SGCD: variants seen among roughly 807,000 people sequenced by gnomAD.
SGCD encodes sarcoglycan delta.
Under a neutral mutation model 36.6 loss-of-function variants are expected in SGCD, and 18 were observed. That is an observed-to-expected ratio of 0.49 (90% CI 0.34 to 0.73). The LOEUF (loss-of-function observed/expected upper bound fraction) is 0.73, where lower values mean the gene tolerates loss of function less well. Among genes scored for constraint, SGCD ranks in the 30% least tolerant of loss-of-function variants. SGCD has a pLI of 0.01. For synonymous variants in SGCD, 133 were observed against 130.6 expected (o/e 1.02, Z -0.12); for missense variants, 387 against 346.7 (o/e 1.12, Z -0.92).
Position 156,056,645 on chromosome 5 carries a change from T to TAAAAAAAAAAAA in SGCD, c.-281-61224_-281-61213dup, listed in dbSNP as rs561328077. Among the ~76,000 whole-genome samples, 19 of 68,272 alleles carry TAAAAAAAAAAAA rather than the reference T, an allele frequency of 2.8e-4. 1 individual carries two copies. The highest frequency in any genetic ancestry group is 1.9e-3 in the East Asian group (3 of 1,572). The allele number at this position is 68,272 out of a possible 152,430, so 44.8% of individuals were successfully genotyped here. On this transcript the variant is annotated intron_variant, in intron 1 of 9. Coordinates refer to the SGCD transcript ENST00000517913. ...GGTCCCCTACCTGCCAAATTATCCT[T>TAAAAAAAAAAAA]AAAAAAAAAAAAAAAAAAAACAGTC...
chr5:156,319,495 T>C (rs552049560), intron 3 of SGCD, among the ~76,000 whole-genome samples: 85 of 152,340 alleles, frequency 5.6e-4, no homozygotes, highest in African/African-American at 1.9e-3. Context: ...CACTTAGGAA[T>C]GCTAAAAAGG....
intron 1 of SGCD, among the ~76,000 whole-genome samples, chr5:155,902,931 C>T (rs973347378): frequency 1.3e-5 from 2 of 152,262 alleles, no homozygotes; most frequent in Non-Finnish European, 2.9e-5. Flanking sequence ...TTTATAGATA[C>T]GAGTTACATG....
chr5:155,862,343 G>C, the SGCD span, among the ~76,000 whole-genome samples: 1 of 152,056 alleles, frequency 6.6e-6, no homozygotes, highest in Non-Finnish European at 1.5e-5. Flanking sequence ...TACTAAAAAA[G>C]GAAGATGAAA....
intron 4 of SGCD, among the ~76,000 whole-genome samples, chr5:156,524,115 T>C (rs1489753534): frequency 1.6e-4 from 8 of 50,318 alleles, no homozygotes; most frequent in Non-Finnish European, 2.5e-4. Flanking sequence ...TATATATATA[T>C]ATATATATAT....
intron 7 of SGCD, among the ~76,000 whole-genome samples, chr5:156,692,526 A>G (rs1171369209): frequency 2.0e-5 from 3 of 152,202 alleles, no homozygotes; most frequent in South Asian, 2.1e-4. Context: ...AGACAATGGT[A>G]TAATGAACCT....
In SGCD at chr5:156,185,492, A is replaced by G. The variant is rs545457345; in HGVS notation, c.-44+61473A>G. Among the ~76,000 whole-genome samples the G allele has an allele frequency of 1.1e-3, 167 of 151,242 alleles. No homozygotes were observed. In the East Asian group the frequency reaches 0.019, roughly 17 times the overall value. ...GCCTCCCAAAGTGCTGGGATTACAGATGTGAGCCACCGCGCCTGGCCTCTT... is the reference window on the plus strand; with the variant it reads ...GCCTCCCAAAGTGCTGGGATTACAGGTGTGAGCCACCGCGCCTGGCCTCTT... On this transcript the variant is annotated intron_variant, in intron 3 of 9. Coordinates refer to the SGCD transcript ENST00000517913.
At chr5:156,727,636 G>A (rs1755843107) in intron 7 of SGCD, among the ~76,000 whole-genome samples, 1 of 152,046 alleles carries the variant, frequency 6.6e-6, no homozygotes, top group African/African-American at 2.4e-5. Flanking sequence ...TAAGCACTCT[G>A]GAAATAATAC....
the SGCD span, among the ~76,000 whole-genome samples, chr5:155,828,032 G>A: frequency 1.3e-5 from 2 of 151,956 alleles, no homozygotes; most frequent in African/African-American, 4.8e-5. Flanking sequence ...AAGAAAGAGA[G>A]ATGGGGTGAT....
At chr5:156,476,455 T>C (rs541979880) in intron 3 of SGCD, among the ~76,000 whole-genome samples, 8 of 152,344 alleles carry the variant, frequency 5.3e-5, no homozygotes, top group African/African-American at 1.9e-4. Context: ...ATTTTTTACC[T>C]GTAACAGCTA....
chr5:156,080,936 G>C (rs965044103), intron 1 of SGCD, among the ~76,000 whole-genome samples: 1 of 152,052 alleles, frequency 6.6e-6, no homozygotes, highest in African/African-American at 2.4e-5. Flanking sequence ...TATTTTAATA[G>C]CAATACCATA....
chr5:156,038,167 G>A (rs116726183), intron 1 of SGCD, among the ~76,000 whole-genome samples: 1 of 152,222 alleles, frequency 6.6e-6, no homozygotes, highest in South Asian at 2.1e-4. Flanking sequence ...CAATGAGAAG[G>A]CATCCTTCCC....
chr5:156,312,737 A>G (rs1168781382), intron 3 of SGCD, among the ~76,000 whole-genome samples: 1 of 152,138 alleles, frequency 6.6e-6, no homozygotes, highest in African/African-American at 2.4e-5. Flanking sequence ...TAACTCGTAG[A>G]ATTTTTATAA....
At chr5:156,503,328 C>T (rs1421001023) in intron 3 of SGCD, among the ~76,000 whole-genome samples, 1 of 152,036 alleles carries the variant, frequency 6.6e-6, no homozygotes, top group Non-Finnish European at 1.5e-5. Context: ...CAGAAGATTC[C>T]TTCTGATTAT....
intron 3 of SGCD, among the ~76,000 whole-genome samples, chr5:156,395,388 C>T (rs543195378): frequency 2.0e-4 from 30 of 152,180 alleles, no homozygotes; most frequent in Non-Finnish European, 4.1e-4. Context: ...TATTTAATGA[C>T]GTCCTGGCCA....
intron 3 of SGCD, among the ~76,000 whole-genome samples, chr5:156,347,304 G>T (rs1456693359): frequency 6.6e-6 from 1 of 152,148 alleles, no homozygotes; most frequent in Non-Finnish European, 1.5e-5. Flanking sequence ...CTGTCGATGT[G>T]CATGTTCTGT....
chr5:156,070,774 G>A (rs1015985305), intron 1 of SGCD, among the ~76,000 whole-genome samples: 1 of 152,046 alleles, frequency 6.6e-6, no homozygotes, highest in East Asian at 1.9e-4. Context: ...ACTCTTTTTG[G>A]TTGGTAAGCT....
At chr5:156,752,972 C>T (rs950720527) in intron 7 of SGCD, among the ~76,000 whole-genome samples, 1 of 152,028 alleles carries the variant, frequency 6.6e-6, no homozygotes, top group Non-Finnish European at 1.5e-5. Flanking sequence ...ACTGTCATCA[C>T]CTATTTAGTC....
intron 3 of SGCD, among the ~76,000 whole-genome samples, chr5:156,383,943 A>G (rs1008582452): frequency 6.6e-6 from 1 of 152,210 alleles, no homozygotes; most frequent in Admixed American, 6.5e-5. Context: ...TGATAAAGAT[A>G]TGGGGGACTG....
intron 3 of SGCD, among the ~76,000 whole-genome samples, chr5:156,278,592 A>T (rs1766376682): frequency 1.3e-5 from 2 of 152,216 alleles, no homozygotes; most frequent in Non-Finnish European, 2.9e-5. Context: ...TGGGAACTCA[A>T]GTCACTGTGA....
Sources: gnomAD v4.1 joint callset for allele counts (sites outside exome capture counted in the v4.1 genomes callset) on GRCh38, gnomAD v4.1.1 for gene constraint, MANE v1.5 for transcripts, NCBI Gene and HGNC (gene_info 2026-07-23, HGNC 2026-07-21) for gene names.